ARHGAP39: variants seen among roughly 807,000 people sequenced by gnomAD.
ARHGAP39 encodes rho GTPase-activating protein 39.
In ARHGAP39, 44 loss-of-function variants were observed where a neutral mutation model predicts 106.9. The observed-to-expected ratio is 0.41, with a 90% CI of 0.32 to 0.53. ARHGAP39 has a LOEUF of 0.53. ARHGAP39 is among the 20% of genes least tolerant of loss of function. The probability of loss-of-function intolerance (pLI) is 0.21; values close to 1 mark genes in which losing one functional copy is unlikely to be tolerated. For missense variants in ARHGAP39, 1,496 were observed against 1,577.3 expected (o/e 0.95, Z 0.87); for synonymous variants, 768 against 693.2 (o/e 1.11, Z -1.69).
intron 1 of ARHGAP39, among the ~76,000 whole-genome samples, chr8:144,660,394 A>G (rs1821793248): frequency 6.6e-6 from 1 of 152,246 alleles, no homozygotes; most frequent in Non-Finnish European, 1.5e-5. Context: ...AGCCAAGGTC[A>G]CATCACTTTC....
chr8:144,601,962 TTCATGTGC>T (rs1352407330), intron 2 of ARHGAP39, among the ~76,000 whole-genome samples: 1 of 140,190 alleles, frequency 7.1e-6, no homozygotes, highest in African/African-American at 2.7e-5. Context: ...TGTACCTGTG[TTCATGTGC>T]GTGGAGGTGC....
rs1332156834 is a variant in ARHGAP39 at position 144,547,945 on chromosome 8, G to C, written c.1141C>G (p.Arg381Gly). 1.9e-6 allele frequency: 3 copies of C among 1,597,480 alleles called. No individual in the cohort carries two copies. The highest frequency in any genetic ancestry group is 2.3e-5 in the East Asian group (1 of 43,920). The change falls in exon 5 of 12, where the codon CGC becomes GGC. Residue 381 changes from arginine (R) to glycine (G), a missense_variant. This residue lies in a region of ARHGAP39 where 905 missense variants were observed against 816.4 expected (regional missense o/e 1.11). Coordinates refer to ENST00000377307, the MANE Select transcript of ARHGAP39 (RefSeq NM_025251.3). The surrounding 1 kb of genome is among the most constrained non-coding windows in gnomAD (Gnocchi z 5.2). Reference protein sequence around the residue: ...LVLTKQKCPERFLSLEYSPAG... With the variant: ...LVLTKQKCPEGFLSLEYSPAG... Reference sequence around the variant, plus strand: ...GGACTGTACTCCAGGCTCAGGAAGCGCTCGGGACACTTCTGCTTGGTGAGC... The same window carrying C: ...GGACTGTACTCCAGGCTCAGGAAGCCCTCGGGACACTTCTGCTTGGTGAGC...
intron 1 of ARHGAP39, among the ~76,000 whole-genome samples, chr8:144,637,085 G>C (rs573211184): frequency 3.3e-5 from 5 of 152,148 alleles, no homozygotes; most frequent in Admixed American, 2.6e-4. Flanking sequence ...CAGTGTGTGG[G>C]TGTCTGGTGG....
chr8:144,647,858 T>TAGTA lies in ARHGAP39; in HGVS notation c.-82+37827_-82+37828insTACT, dbSNP rs1287079369. ...AAAAGTGCACCCATGTGCCAAGTAC[T>TAGTA]GTACATAAAATAAGTCCATATCCAG... On this transcript the variant is annotated intron_variant, in intron 1 of 11. Coordinates refer to ENST00000377307, the MANE Select transcript of ARHGAP39 (RefSeq NM_025251.3). This position sits in a 1 kb window ranked among gnomAD's most constrained non-coding sequence, Gnocchi z 4.8. Among the ~76,000 whole-genome samples, 6 of 152,224 alleles carry TAGTA rather than the reference T, an allele frequency of 3.9e-5. No homozygotes were observed. Among genetic ancestry groups the TAGTA allele is most frequent in the African/African-American group, 1.4e-4 (6 of 41,472 alleles).
intron 4 of ARHGAP39, among the ~76,000 whole-genome samples, chr8:144,550,971 G>A (rs116095837): frequency 0.038 from 5,777 of 152,324 alleles, 136 homozygotes; most frequent in South Asian, 0.052. Context: ...CAGTTATGAC[G>A]AAGATTCAAC....
chr8:144,614,354 ATT>A (rs553972832), intron 1 of ARHGAP39, among the ~76,000 whole-genome samples: 14 of 136,582 alleles, frequency 1.0e-4, no homozygotes, highest in Admixed American at 1.5e-4. Context: ...TCCTGTTACT[ATT>A]TTTTTTTTTT....
At chr8:144,683,969 T>C (rs1822501901) in intron 1 of ARHGAP39, among the ~76,000 whole-genome samples, 1 of 152,168 alleles carries the variant, frequency 6.6e-6, no homozygotes, top group Admixed American at 6.5e-5. Context: ...ATTTACTGAG[T>C]CCTCACAACA....
chr8:144,660,720 C>G (rs1476297090), intron 1 of ARHGAP39, among the ~76,000 whole-genome samples: 2 of 152,116 alleles, frequency 1.3e-5, no homozygotes, highest in African/African-American at 4.8e-5. Flanking sequence ...TGGCTCACCC[C>G]TATAATCCCA....
rs567885143 is a variant in ARHGAP39, at chr8:144,548,834, G to A, written c.597-345C>T. On this transcript the variant is annotated intron_variant, in intron 4 of 11. Coordinates refer to ENST00000377307, the MANE Select transcript of ARHGAP39 (RefSeq NM_025251.3). This position sits in a 1 kb window ranked among gnomAD's most constrained non-coding sequence, Gnocchi z 7.4. ...TGTCTCCAGAGCTGCCTGAGCCGCC[G>A]GGCAGGCTCCTGGGCCCTGTGTTCC... 6.6e-6 allele frequency among the ~76,000 whole-genome samples: 1 copy of A among 152,146 alleles called. No homozygotes were observed. Among genetic ancestry groups the A allele is most frequent in the Non-Finnish European group, 1.5e-5 (1 of 68,012 alleles).
intron 6 of ARHGAP39, among the ~76,000 whole-genome samples, chr8:144,538,293 C>T (rs969263023): frequency 2.0e-5 from 3 of 152,354 alleles, no homozygotes; most frequent in South Asian, 2.1e-4. Flanking sequence ...GTCTGCCTCC[C>T]GCTCTGCACA....
At chr8:144,632,410 C>A (rs1244434408) in intron 1 of ARHGAP39, among the ~76,000 whole-genome samples, 1 of 152,218 alleles carries the variant, frequency 6.6e-6, no homozygotes, top group Non-Finnish European at 1.5e-5. Context: ...CGATCAACCT[C>A]AAAGCATGTC....
At chr8:144,699,549 G>A in the ARHGAP39 span, among the ~76,000 whole-genome samples, 1 of 140,198 alleles carries the variant, frequency 7.1e-6, no homozygotes, top group Non-Finnish European at 1.5e-5. Context: ...GCGCTGTGGG[G>A]CAAGGTGCTG....
At chr8:144,669,549 T>G (rs1197365036) in intron 1 of ARHGAP39, among the ~76,000 whole-genome samples, 1 of 141,368 alleles carries the variant, frequency 7.1e-6, no homozygotes. Flanking sequence ...CAAGGCCTTA[T>G]GTACTGCAAA....
At chr8:144,692,509 C>T in the ARHGAP39 span, among the ~76,000 whole-genome samples, 11 of 152,190 alleles carry the variant, frequency 7.2e-5, no homozygotes, top group Admixed American at 7.2e-4. Context: ...TATAAATCCT[C>T]CTCAAAGACA....
In ARHGAP39 at chr8:144,645,012, C is replaced by G. The variant is rs557639383; in HGVS notation, c.-81-39317G>C. Among the ~76,000 whole-genome samples the G allele has an allele frequency of 3.5e-4, 54 of 152,318 alleles. No homozygotes were observed. Among genetic ancestry groups the G allele is most frequent in the African/African-American group, 1.3e-3 (52 of 41,570 alleles). On this transcript the variant is annotated intron_variant, in intron 1 of 11. Coordinates refer to ENST00000377307, the MANE Select transcript of ARHGAP39 (RefSeq NM_025251.3). This position sits in a 1 kb window ranked among gnomAD's most constrained non-coding sequence, Gnocchi z 4.4. ...TTGTCCCTGGGTGGCAGGTGACAGG[C>G]GCTGGGCCACGGCAGAGAGCACATG... is the stretch of plus-strand genomic sequence containing the variant.
At chr8:144,681,280 C>T (rs1016326031) in intron 1 of ARHGAP39, among the ~76,000 whole-genome samples, 1 of 152,128 alleles carries the variant, frequency 6.6e-6, no homozygotes, top group African/African-American at 2.4e-5. Context: ...AGAAAGGTAA[C>T]GAGAAGGGAC....
At chr8:144,686,040 G>C (rs534247105), upstream of ARHGAP39, among the ~76,000 whole-genome samples, 1 of 151,736 alleles carries the variant, frequency 6.6e-6, no homozygotes, top group Non-Finnish European at 1.5e-5. Context: ...GCCCCGCCCC[G>C]TCGCCGCGCC....
chr8:144,571,146 T>C (rs1177847936), intron 3 of ARHGAP39, among the ~76,000 whole-genome samples: 6 of 152,072 alleles, frequency 3.9e-5, no homozygotes. Context: ...GCCACCATCA[T>C]CCTGATACCA....
chr8:144,652,806 AC>A (rs1821606012), intron 1 of ARHGAP39, among the ~76,000 whole-genome samples: 1 of 152,086 alleles, frequency 6.6e-6, no homozygotes, highest in Non-Finnish European at 1.5e-5. Context: ...AAGGATAACT[AC>A]TGGGTACTGG....
Sources: gnomAD v4.1 joint callset for allele counts (sites outside exome capture counted in the v4.1 genomes callset) on GRCh38, gnomAD v4.1.1 for gene constraint, gnomAD v4.1.1 regional missense constraint, Gnocchi (gnomAD v3.1) non-coding constraint, MANE v1.5 for transcripts, NCBI Gene and HGNC (gene_info 2026-07-23, HGNC 2026-07-21) for gene names.